The following CENPP variants were observed in gnomAD, a reference collection of about 807,000 sequenced individuals.
The protein encoded by CENPP is centromere protein P.
Under a neutral mutation model 35.6 loss-of-function variants are expected in CENPP, and 24 were observed. The observed-to-expected ratio is 0.67, with a 90% CI of 0.49 to 0.95. The LOEUF (loss-of-function observed/expected upper bound fraction) is 0.95. Among genes scored for constraint, CENPP ranks in the 40% least tolerant of loss-of-function variants. The pLI is 0.00. For missense variants in CENPP, 332 were observed against 345.3 expected (o/e 0.96, Z 0.31); for synonymous variants, 120 against 125.5 (o/e 0.96, Z 0.29).
intron 4 of CENPP, among the ~76,000 whole-genome samples, chr9:92,363,234 T>TACAC (rs34936128): frequency 1.1e-4 from 17 of 150,860 alleles, no homozygotes; most frequent in African/African-American, 3.4e-4. Context: ...TATACATATA[T>TACAC]ACACACACAC....
chr9:92,571,627 G>C (rs1850141606), intron 5 of CENPP, among the ~76,000 whole-genome samples: 1 of 152,094 alleles, frequency 6.6e-6, no homozygotes, highest in Non-Finnish European at 1.5e-5. Flanking sequence ...TCAATTCCTG[G>C]ATATCCTTGT....
chr9:92,544,960 G>C (rs1320502280), intron 5 of CENPP, among the ~76,000 whole-genome samples: 1 of 152,100 alleles, frequency 6.6e-6, no homozygotes, highest in Non-Finnish European at 1.5e-5. Context: ...GACCTCAGGT[G>C]ATCCACCCGC....
intron 4 of CENPP, among the ~76,000 whole-genome samples, chr9:92,377,857 T>G (rs1006991062): frequency 3.3e-5 from 5 of 152,184 alleles, no homozygotes; most frequent in African/African-American, 1.2e-4. Flanking sequence ...CAGTTCTCAG[T>G]ATTTTTTTTC....
chr9:92,454,203 A>G (rs554445539), intron 5 of CENPP, among the ~76,000 whole-genome samples: 5 of 152,310 alleles, frequency 3.3e-5, no homozygotes, highest in East Asian at 3.9e-4. Context: ...GTTTTTTGCA[A>G]ACTTAAAACC....
intron 5 of CENPP, among the ~76,000 whole-genome samples, chr9:92,519,935 T>C (rs544502857): frequency 2.6e-5 from 4 of 151,276 alleles, no homozygotes; most frequent in African/African-American, 9.8e-5. Flanking sequence ...ATATCCAGAA[T>C]ATTCATAAAG....
chr9:92,354,369 G>A (rs930137336), intron 4 of CENPP, among the ~76,000 whole-genome samples: 5 of 152,302 alleles, frequency 3.3e-5, no homozygotes, highest in Admixed American at 2.6e-4. Context: ...CTTGTCAGAC[G>A]TGGTGAGTGG....
Position 92,619,122 on chromosome 9 carries a change from G to A in CENPP, c.*5973G>A, listed in dbSNP as rs746828464. ...CGCCATGCTGCCACTGTGGGAGACCGAGGAACAAGGGCCACAGGTACCCAC... is the reference window on the plus strand; with the variant it reads ...CGCCATGCTGCCACTGTGGGAGACCAAGGAACAAGGGCCACAGGTACCCAC... On this transcript the variant is annotated 3_prime_UTR_variant, in exon 8 of 8. Transcript: ENST00000375587. 19 of 239,586 alleles carry A rather than the reference G, an allele frequency of 7.9e-5. No homozygotes were observed. The East Asian group carries it at 1.1e-3, about 14-fold the overall frequency. The allele number at this position is 239,586 out of a possible 1,614,324, so 14.8% of individuals were successfully genotyped here. A position where few individuals can be genotyped will look rare whatever the true frequency, so the allele number is the denominator to read the frequency against.
At chr9:92,403,797 G>T (rs1843216296) in intron 5 of CENPP, 2 of 490,624 alleles carry the variant, frequency 4.1e-6, no homozygotes, top group Non-Finnish European at 2.6e-6. Context: ...AAAGTCCCAA[G>T]ATCCTGTCTC....
chr9:92,337,730 C>T lies in CENPP; in HGVS notation c.378+101C>T, dbSNP rs370972287. 35 of 804,884 alleles carry T rather than the reference C, an allele frequency of 4.3e-5. No homozygotes were observed. In the African/African-American group the frequency reaches 5.2e-4, roughly 12 times the overall value. The allele number at this position is 804,884 out of a possible 1,614,324, so 49.9% of individuals were successfully genotyped here. The stretch of plus-strand genomic sequence containing the variant: ...ACAGTGATGGAGCTGAAGAGGAGTT[C>T]ATGAGCCAGGGCCCCCCCATTCATA... On this transcript the variant is annotated intron_variant, in intron 3 of 7. Transcript: ENST00000375587.
At chr9:92,516,077 C>A (rs957923566) in intron 5 of CENPP, among the ~76,000 whole-genome samples, 2 of 149,892 alleles carry the variant, frequency 1.3e-5, no homozygotes, top group Admixed American at 6.6e-5. Flanking sequence ...TTTTTTCCCC[C>A]CCCCGAGACG....
Position 92,417,630 on chromosome 9 carries a change from C to T in CENPP, c.564+37771C>T, listed in dbSNP as rs1026314181. The T allele has an allele frequency of 7.9e-6, 7 of 881,348 alleles. No homozygotes were observed. In the African/African-American group the frequency reaches 1.2e-4, roughly 15 times the overall value. The allele number at this position is 881,348 out of a possible 1,614,324, so 54.6% of individuals were successfully genotyped here. ...AGAAAGTGAGTAAACTCAGAATACG[C>T]TTTGTATAAATTCTCAGTTATATGA... On this transcript the variant is annotated intron_variant, in intron 5 of 7. Transcript: ENST00000375587.
At chr9:92,550,779 TAAC>T (rs1325716314) in intron 5 of CENPP, among the ~76,000 whole-genome samples, 1 of 152,166 alleles carries the variant, frequency 6.6e-6, no homozygotes, top group East Asian at 1.9e-4. Flanking sequence ...GTGTCCTTCA[TAAC>T]AACCTGGAAA....
At chr9:92,369,648 G>A (rs1207238770) in intron 4 of CENPP, among the ~76,000 whole-genome samples, 1 of 152,158 alleles carries the variant, frequency 6.6e-6, no homozygotes, top group Non-Finnish European at 1.5e-5. Context: ...TTTGTTATTG[G>A]TGTATAAAAA....
intron 5 of CENPP, among the ~76,000 whole-genome samples, chr9:92,547,108 G>A (rs1031685848): frequency 2.0e-5 from 3 of 152,010 alleles, no homozygotes; most frequent in African/African-American, 4.8e-5. Flanking sequence ...AAGAACTAGC[G>A]GCGTAAGTGT....
intron 5 of CENPP, among the ~76,000 whole-genome samples, chr9:92,526,854 C>T (rs1235312854): frequency 1.3e-5 from 2 of 152,070 alleles, no homozygotes; most frequent in East Asian, 1.9e-4. Context: ...ATAGTAATGT[C>T]CTAGGCCTTC....
At chr9:92,580,167 G>A (rs142164001) in intron 5 of CENPP, among the ~76,000 whole-genome samples, 3,864 of 152,102 alleles carry the variant, frequency 0.025, 73 homozygotes, top group Non-Finnish European at 0.038. Flanking sequence ...TGATCATGGT[G>A]GATAAGCTTT....
At chr9:92,428,226 T>C (rs1844017653) in intron 5 of CENPP, among the ~76,000 whole-genome samples, 1 of 152,130 alleles carries the variant, frequency 6.6e-6, no homozygotes, top group South Asian at 2.1e-4. Flanking sequence ...ACATTTTCTG[T>C]AAATGGTGCC....
At chr9:92,470,784 TAGAA>T (rs765892728) in intron 5 of CENPP, 2 of 1,505,888 alleles carry the variant, frequency 1.3e-6, no homozygotes, top group African/African-American at 2.8e-5. Context: ...GGTCAAACCT[TAGAA>T]AGAAACAAAC....
At chr9:92,472,621 G>A (rs1845568025) in intron 5 of CENPP, among the ~76,000 whole-genome samples, 1 of 152,024 alleles carries the variant, frequency 6.6e-6, no homozygotes, top group Non-Finnish European at 1.5e-5. Flanking sequence ...TCGCGCCATT[G>A]TACTCCAGCC....
Sources: allele counts gnomAD v4.1 joint callset (sites outside exome capture counted in the v4.1 genomes callset), GRCh38; gene constraint gnomAD v4.1.1; transcripts MANE v1.5; gene names NCBI Gene and HGNC (gene_info 2026-07-23, HGNC 2026-07-21).